Variants in FRMD6 observed in about 807,000 individuals in gnomAD.
The protein encoded by FRMD6 is FERM domain containing 6, also known as FERM domain-containing protein 6.
Under a neutral mutation model 73.2 loss-of-function variants are expected in FRMD6, and 37 were observed. That is an observed-to-expected ratio of 0.51 (90% CI 0.39 to 0.66). FRMD6 has a LOEUF of 0.66. FRMD6 is among the 30% of genes least tolerant of loss of function. The pLI, the probability that FRMD6 is intolerant of heterozygous loss-of-function variation, is 0.00. For synonymous variants in FRMD6, 273 were observed against 282.2 expected, an observed-to-expected ratio of 0.97 and a Z score of 0.33; for missense variants, 714 against 780.5, an observed-to-expected ratio of 0.91 and a Z score of 1.02.
At chr14:51,583,183 T>C (rs1394538946) in intron 2 of FRMD6, among the ~76,000 whole-genome samples, 1 of 152,210 alleles carries the variant, frequency 6.6e-6, no homozygotes, top group Non-Finnish European at 1.5e-5. Flanking sequence ...TGGCTGCAGC[T>C]GCAGGGTCTT....
At chr14:51,437,384 C>G in the FRMD6 span, among the ~76,000 whole-genome samples, 24 of 152,276 alleles carry the variant, frequency 1.6e-4, no homozygotes, top group Non-Finnish European at 3.1e-4. Flanking sequence ...CTCACTGCAA[C>G]CTCCGCCTGC....
intron 2 of FRMD6, among the ~76,000 whole-genome samples, chr14:51,646,852 C>T (rs1594649514): frequency 2.0e-5 from 3 of 151,936 alleles, no homozygotes; most frequent in East Asian, 1.9e-4. Context: ...CCTAGCACTG[C>T]CTTGCCGCTA....
chr14:51,720,945 A>C (rs1296052535), intron 11 of FRMD6, among the ~76,000 whole-genome samples: 1 of 152,238 alleles, frequency 6.6e-6, no homozygotes, highest in African/African-American at 2.4e-5. Flanking sequence ...ATCTTAGCCA[A>C]ACTTAACATT....
At chr14:51,442,605 C>A in the FRMD6 span, among the ~76,000 whole-genome samples, 2 of 152,086 alleles carry the variant, frequency 1.3e-5, no homozygotes, top group Non-Finnish European at 1.5e-5. Context: ...TATCTCTTAC[C>A]CTGCTCCCCA....
the FRMD6 span, among the ~76,000 whole-genome samples, chr14:51,474,677 G>T: frequency 6.6e-6 from 1 of 152,300 alleles, no homozygotes. Flanking sequence ...GGGGAGTGAT[G>T]CAGGATAAGT....
At position 51,594,663 on chromosome 14, in the gene FRMD6, A is replaced by G. The variant is rs143669083; in HGVS notation, c.-147+24253A>G. 2.8e-4 allele frequency among the ~76,000 whole-genome samples: 42 copies of G among 151,950 alleles called. No individual in the cohort carries two copies. The East Asian group carries it at 8.2e-3, about 30-fold the overall frequency. On this transcript the variant is annotated intron_variant, in intron 2 of 14. Transcript: ENST00000356218. The stretch of plus-strand genomic sequence containing the variant: ...ATTTTAGTAGAGATGGGGTTTCACT[A>G]TGTTGGTGAGGCTGGTCTAGAACTC...
chr14:51,495,995 G>T (rs1221380249), intron 1 of FRMD6, among the ~76,000 whole-genome samples: 1 of 152,138 alleles, frequency 6.6e-6, no homozygotes, highest in Non-Finnish European at 1.5e-5. Flanking sequence ...TATAAGCATT[G>T]GTCTGTGTGG....
chr14:51,728,043 G>C lies in FRMD6; in HGVS notation c.*14G>C, dbSNP rs750238716. The C allele has an allele frequency of 2.5e-6, 4 of 1,597,042 alleles. No individual in the cohort carries two copies. In the Admixed American group the frequency reaches 6.7e-5, roughly 27 times the overall value. ...TTTGTTGTGTAAAGTCCGTCTGTGTGCAGCTGTACAGGCAGCTTACTGTTT... is the reference window on the plus strand; with the variant it reads ...TTTGTTGTGTAAAGTCCGTCTGTGTCCAGCTGTACAGGCAGCTTACTGTTT... On this transcript the variant is annotated 3_prime_UTR_variant, in exon 14 of 14. Coordinates refer to ENST00000344768, the MANE Select transcript of FRMD6 (RefSeq NM_001267046.2).
chr14:51,726,889 G>C (rs1485619000), intron 13 of FRMD6, among the ~76,000 whole-genome samples: 1 of 152,106 alleles, frequency 6.6e-6, no homozygotes, highest in Non-Finnish European at 1.5e-5. Context: ...ATTCTAACAG[G>C]GTTGTCCTTT....
chr14:51,610,540 A>G (rs1321505167), intron 2 of FRMD6, among the ~76,000 whole-genome samples: 1 of 152,172 alleles, frequency 6.6e-6, no homozygotes, highest in East Asian at 1.9e-4. Context: ...GGAAAAGATT[A>G]GAACCAGGAT....
At chr14:51,425,936 A>G in the FRMD6 span, among the ~76,000 whole-genome samples, 3 of 152,212 alleles carry the variant, frequency 2.0e-5, no homozygotes, top group Non-Finnish European at 2.9e-5. Flanking sequence ...TGCCTGGCAC[A>G]TAGCAAAAGC....
At chr14:51,619,179 GA>G (rs1285407540) in intron 2 of FRMD6, among the ~76,000 whole-genome samples, 2 of 151,830 alleles carry the variant, frequency 1.3e-5, no homozygotes, top group Non-Finnish European at 2.9e-5. Context: ...GTATTTACAT[GA>G]AAACATGAAT....
At chr14:51,569,840 C>G (rs114092082) in intron 1 of FRMD6, among the ~76,000 whole-genome samples, 1 of 145,764 alleles carries the variant, frequency 6.9e-6, no homozygotes, top group Admixed American at 6.9e-5. Flanking sequence ...TTTTTTGAGA[C>G]CGTCTGGCTC....
At chr14:51,555,540 C>T (rs1887079062) in intron 1 of FRMD6, among the ~76,000 whole-genome samples, 3 of 152,138 alleles carry the variant, frequency 2.0e-5, no homozygotes, top group Non-Finnish European at 2.9e-5. Flanking sequence ...TGGTAGCTTA[C>T]GCCTGTAATC....
chr14:51,416,527 G>C, the FRMD6 span, among the ~76,000 whole-genome samples: 1 of 152,092 alleles, frequency 6.6e-6, no homozygotes, highest in Non-Finnish European at 1.5e-5. Flanking sequence ...ACAGTTTGTT[G>C]TGATTCCTGT....
rs982713125 is a variant in FRMD6, at chr14:51,678,160, C to T, written c.-146-11531C>T. ...TGTTATAATTTCCATTTTATAGATA[C>T]GGAAGCTGAGATAGAGAGGTGAAGA... On this transcript the variant is annotated intron_variant, in intron 1 of 13. Transcript: ENST00000344768. 8.5e-5 allele frequency among the ~76,000 whole-genome samples: 13 copies of T among 152,150 alleles called. No homozygotes were observed. The South Asian group carries it at 1.0e-3, about 12-fold the overall frequency.
chr14:51,509,375 A>T (rs550033561), intron 1 of FRMD6, among the ~76,000 whole-genome samples: 1 of 151,954 alleles, frequency 6.6e-6, no homozygotes, highest in East Asian at 2.0e-4. Flanking sequence ...AATACAAAAA[A>T]ATTTAGCCAG....
At chr14:51,573,828 G>A (rs1888266097) in intron 2 of FRMD6, among the ~76,000 whole-genome samples, 1 of 152,172 alleles carries the variant, frequency 6.6e-6, no homozygotes, top group Non-Finnish European at 1.5e-5. Flanking sequence ...GAATCACCGT[G>A]TATCAGTCAG....
At chr14:51,491,208 C>G (rs919793549) in intron 1 of FRMD6, among the ~76,000 whole-genome samples, 2 of 152,202 alleles carry the variant, frequency 1.3e-5, no homozygotes, top group Non-Finnish European at 2.9e-5. Flanking sequence ...GCATGGGGCC[C>G]TCACCTGCCC....
Sources: allele counts gnomAD v4.1 joint callset (sites outside exome capture counted in the v4.1 genomes callset), GRCh38; gene constraint gnomAD v4.1.1; transcripts MANE v1.5; gene names NCBI Gene and HGNC (gene_info 2026-07-23, HGNC 2026-07-21).